KCNB2: variants seen among roughly 807,000 people sequenced by gnomAD.
KCNB2 encodes delayed rectifier potassium channel protein.
Under a neutral mutation model 61.5 loss-of-function variants are expected in KCNB2, and 15 were observed. The observed-to-expected ratio is 0.24, with a 90% CI of 0.16 to 0.38. The LOEUF (loss-of-function observed/expected upper bound fraction) is 0.38. Among genes scored for constraint, KCNB2 ranks in the 10% least tolerant of loss-of-function variants. The pLI is 1.00. For missense variants in KCNB2, 828 were observed against 1,125.2 expected (o/e 0.74, Z 3.78); for synonymous variants, 457 against 446.0 (o/e 1.02, Z -0.31).
chr8:72,539,364 T>G (rs760569729), intron 1 of KCNB2, among the ~76,000 whole-genome samples: 1 of 152,242 alleles, frequency 6.6e-6, no homozygotes, highest in Non-Finnish European at 1.5e-5. Flanking sequence ...AGGAAAAGTA[T>G]CCTTATCACC....
At chr8:72,680,234 G>A (rs572535920) in intron 2 of KCNB2, among the ~76,000 whole-genome samples, 1 of 152,268 alleles carries the variant, frequency 6.6e-6, no homozygotes, top group African/African-American at 2.4e-5. Context: ...TTACAAGGAA[G>A]GCATGGGTGG....
chr8:72,724,424 A>G (rs1381808600), intron 2 of KCNB2, among the ~76,000 whole-genome samples: 2 of 152,356 alleles, frequency 1.3e-5, no homozygotes, highest in South Asian at 2.1e-4. Context: ...CAAATATGCC[A>G]TAAGATTTTG....
intron 2 of KCNB2, among the ~76,000 whole-genome samples, chr8:72,748,962 G>A (rs1946913): frequency 7.9e-5 from 12 of 151,686 alleles, no homozygotes; most frequent in African/African-American, 1.5e-4. Flanking sequence ...TATTCCTCCC[G>A]TCTAACTGAA....
intron 2 of KCNB2, among the ~76,000 whole-genome samples, chr8:72,845,233 C>T (rs1002938038): frequency 2.6e-5 from 4 of 152,208 alleles, no homozygotes; most frequent in African/African-American, 9.6e-5. Context: ...GAGGTCCACT[C>T]CAGACCCCAT....
At chr8:72,679,838 A>G (rs1806722950) in intron 2 of KCNB2, among the ~76,000 whole-genome samples, 1 of 152,140 alleles carries the variant, frequency 6.6e-6, no homozygotes, top group Admixed American at 6.5e-5. Flanking sequence ...TCTAGCAACT[A>G]TTGAACCAAA....
rs188074717 is a variant in KCNB2 at position 72,748,377 on chromosome 8, G to A, written c.579+180064G>A. Among the ~76,000 whole-genome samples the A allele has an allele frequency of 7.2e-5, 11 of 152,168 alleles. No individual in the cohort carries two copies. In the East Asian group the frequency reaches 2.1e-3, roughly 29 times the overall value. ...TCAACAGACCTCCCAACCTTTCTCT[G>A]TTCTGGATGATTGCAAACCAAATCC... On this transcript the variant is annotated intron_variant, in intron 2 of 2. Transcript: ENST00000523207.
At chr8:72,765,924 T>C (rs988119157) in intron 2 of KCNB2, among the ~76,000 whole-genome samples, 4 of 152,344 alleles carry the variant, frequency 2.6e-5, no homozygotes, top group Non-Finnish European at 4.4e-5. Flanking sequence ...TCCCAACAAC[T>C]ATTAATATCA....
At chr8:72,867,638 A>G (rs1437348148) in intron 2 of KCNB2, among the ~76,000 whole-genome samples, 1 of 152,224 alleles carries the variant, frequency 6.6e-6, no homozygotes, top group African/African-American at 2.4e-5. Context: ...CATGAATATA[A>G]CTAGTGAGTT....
At chr8:72,578,059 C>T (rs1806826019) in intron 2 of KCNB2, among the ~76,000 whole-genome samples, 1 of 152,138 alleles carries the variant, frequency 6.6e-6, no homozygotes. Context: ...CTAACTTGTA[C>T]ATTCATGTCA....
chr8:72,898,574 C>G (rs1052632344), intron 2 of KCNB2, among the ~76,000 whole-genome samples: 3 of 152,110 alleles, frequency 2.0e-5, no homozygotes. Flanking sequence ...AAGCCAGGGC[C>G]CTTATCAAAC....
chr8:72,547,054 C>T (rs1806270414), intron 1 of KCNB2, among the ~76,000 whole-genome samples: 1 of 152,056 alleles, frequency 6.6e-6, no homozygotes, highest in Admixed American at 6.5e-5. Flanking sequence ...ATCCTAGGGT[C>T]CTTAAGAATG....
At chr8:72,840,515 C>G (rs1809862760) in intron 2 of KCNB2, among the ~76,000 whole-genome samples, 1 of 152,206 alleles carries the variant, frequency 6.6e-6, no homozygotes, top group Non-Finnish European at 1.5e-5. Context: ...CGAATTTACT[C>G]TCCCACCAAC....
At chr8:72,808,628 C>G (rs2129000295) in intron 2 of KCNB2, among the ~76,000 whole-genome samples, 1 of 152,258 alleles carries the variant, frequency 6.6e-6, no homozygotes, top group Non-Finnish European at 1.5e-5. Context: ...AGCCATGAAG[C>G]TTTTAGTGTC....
rs569592574 is a variant in KCNB2, at chr8:72,744,720, C to T, written c.579+176407C>T. ...AACTGCCACGTGAATTGCTTAGGGC[C>T]GAGCATCCCAGAGAGAAAACACAAG... On this transcript the variant is annotated intron_variant, in intron 2 of 2. Coordinates refer to ENST00000523207, the MANE Select transcript of KCNB2 (RefSeq NM_004770.3). Among the ~76,000 whole-genome samples the T allele has an allele frequency of 3.9e-5, 6 of 152,114 alleles. No homozygotes were observed. The South Asian group carries it at 6.2e-4, about 16-fold the overall frequency.
At chr8:72,704,409 C>T (rs1807183927) in intron 2 of KCNB2, among the ~76,000 whole-genome samples, 1 of 151,978 alleles carries the variant, frequency 6.6e-6, no homozygotes, top group Non-Finnish European at 1.5e-5. Flanking sequence ...TATTATTACC[C>T]TAAAATTTTG....
At chr8:72,620,639 G>A (rs892442154) in intron 2 of KCNB2, among the ~76,000 whole-genome samples, 4 of 151,842 alleles carry the variant, frequency 2.6e-5, no homozygotes, top group Admixed American at 6.6e-5. Context: ...ATGGAGTTTC[G>A]CTCTTGTTGC....
intron 2 of KCNB2, among the ~76,000 whole-genome samples, chr8:72,630,458 G>A (rs768244959): frequency 2.4e-4 from 36 of 151,888 alleles, no homozygotes; most frequent in Admixed American, 9.8e-4. Context: ...TTTTATTTTC[G>A]TATTTGGTGC....
chr8:72,697,405 T>C (rs778641867), intron 2 of KCNB2, among the ~76,000 whole-genome samples: 2 of 152,182 alleles, frequency 1.3e-5, no homozygotes, highest in African/African-American at 2.4e-5. Flanking sequence ...TCCAACTAAA[T>C]GCTGCTCACA....
In KCNB2 at chr8:72,913,165, G is replaced by C. The variant is rs183447507; in HGVS notation, c.580-22770G>C. 3.3e-3 allele frequency among the ~76,000 whole-genome samples: 497 copies of C among 152,220 alleles called. 11 individuals carry two copies. The highest frequency in any genetic ancestry group is 2.4e-4 in the Non-Finnish European group (16 of 68,008). On this transcript the variant is annotated intron_variant, in intron 2 of 2. Transcript: ENST00000523207. Reference sequence around the variant, plus strand: ...CTATATAAAATATACAGTTTCTAAAGAAAAGGTGCCTTTTATGTAACATCA... The same window carrying C: ...CTATATAAAATATACAGTTTCTAAACAAAAGGTGCCTTTTATGTAACATCA...
Sources: allele counts gnomAD v4.1 joint callset (sites outside exome capture counted in the v4.1 genomes callset), GRCh38; gene constraint gnomAD v4.1.1; transcripts MANE v1.5; gene names NCBI Gene and HGNC (gene_info 2026-07-23, HGNC 2026-07-21).